CPNE8: variants seen among roughly 807,000 people sequenced by gnomAD.
CPNE8 encodes the protein copine 8.
In CPNE8, 45 loss-of-function variants were observed where a neutral mutation model predicts 81.5. The ratio of observed to expected loss-of-function variants is 0.55; its 90% confidence interval spans 0.44 to 0.71. The LOEUF (loss-of-function observed/expected upper bound fraction) is 0.71. CPNE8 is among the 30% of genes least tolerant of loss of function. The pLI is 0.00. For missense variants in CPNE8, 594 were observed against 672.1 expected (o/e 0.88, Z 1.28); for synonymous variants, 252 against 226.3 (o/e 1.11, Z -1.02).
chr12:38,734,832 T>A (rs1461262831), intron 10 of CPNE8, among the ~76,000 whole-genome samples: 1 of 152,086 alleles, frequency 6.6e-6, no homozygotes, highest in Non-Finnish European at 1.5e-5. Flanking sequence ...TTTAATCAAA[T>A]TAATTTGTAA....
At chr12:38,723,043 A>C (rs1179848943) in intron 13 of CPNE8, among the ~76,000 whole-genome samples, 1 of 152,204 alleles carries the variant, frequency 6.6e-6, no homozygotes, top group Non-Finnish European at 1.5e-5. Context: ...CTCCCCAGAC[A>C]TGAGGAACTG....
chr12:38,892,372 AC>A (rs1944325422), intron 1 of CPNE8, among the ~76,000 whole-genome samples: 1 of 152,194 alleles, frequency 6.6e-6, no homozygotes, highest in African/African-American at 2.4e-5. Flanking sequence ...ATGCAATTCA[AC>A]CTTTGTTTAC....
intron 15 of CPNE8, among the ~76,000 whole-genome samples, chr12:38,693,304 C>A (rs535524411): frequency 1.3e-5 from 2 of 152,038 alleles, no homozygotes; most frequent in African/African-American, 2.4e-5. Flanking sequence ...AGCAAAAATG[C>A]GCTGTCTCCC....
intron 6 of CPNE8, among the ~76,000 whole-genome samples, chr12:38,791,430 G>A (rs746337656): frequency 3.3e-5 from 5 of 151,260 alleles, no homozygotes; most frequent in African/African-American, 4.8e-5. Flanking sequence ...AATGGCTAAG[G>A]TAATTATTAA....
chr12:38,744,738 T>A (rs761415367), intron 10 of CPNE8, among the ~76,000 whole-genome samples: 1 of 139,870 alleles, frequency 7.1e-6, no homozygotes, highest in Non-Finnish European at 1.5e-5. Context: ...AGAACAACCA[T>A]AAGTTATGCA....
intron 10 of CPNE8, among the ~76,000 whole-genome samples, chr12:38,744,663 C>G (rs1379471807): frequency 6.6e-6 from 1 of 152,124 alleles, no homozygotes; most frequent in Non-Finnish European, 1.5e-5. Context: ...GCTCCACATT[C>G]TGAAGCTGTC....
At chr12:38,720,889 G>C (rs1050535089) in intron 13 of CPNE8, 1 of 152,474 alleles carries the variant, frequency 6.6e-6, no homozygotes, top group Non-Finnish European at 1.5e-5. Flanking sequence ...CTGCTCCATG[G>C]AGCAGGCAGG....
chr12:38,782,921 C>A (rs1257544557), intron 6 of CPNE8, among the ~76,000 whole-genome samples: 1 of 152,086 alleles, frequency 6.6e-6, no homozygotes, highest in Non-Finnish European at 1.5e-5. Flanking sequence ...CTCAAGCAAT[C>A]CTCCAGAATT....
At chr12:38,747,785 C>T (rs826862) in intron 10 of CPNE8, among the ~76,000 whole-genome samples, 14,823 of 151,916 alleles carry the variant, frequency 0.098, 935 homozygotes, top group East Asian at 0.25. Context: ...ATACTAATCA[C>T]GCTGAATACT....
At chr12:38,736,793 C>A (rs911213213) in intron 10 of CPNE8, among the ~76,000 whole-genome samples, 2 of 151,956 alleles carry the variant, frequency 1.3e-5, no homozygotes, top group Non-Finnish European at 2.9e-5. Context: ...CAGGAAATAA[C>A]TTTTACCTAG....
intron 3 of CPNE8, among the ~76,000 whole-genome samples, chr12:38,867,356 G>C (rs1592145679): frequency 1.3e-5 from 2 of 151,844 alleles, no homozygotes; most frequent in South Asian, 2.1e-4. Context: ...GAGAGAGAGA[G>C]AGAGAGAGAG....
At chr12:38,835,110 C>G (rs1943358787) in intron 5 of CPNE8, among the ~76,000 whole-genome samples, 1 of 152,118 alleles carries the variant, frequency 6.6e-6, no homozygotes. Context: ...TGGTCTCAAT[C>G]TCCTGACCTC....
intron 10 of CPNE8, among the ~76,000 whole-genome samples, chr12:38,745,150 C>T (rs1483674356): frequency 6.6e-6 from 1 of 152,206 alleles, no homozygotes; most frequent in African/African-American, 2.4e-5. Context: ...GTCTGCATTT[C>T]TCATGAATTC....
At chr12:38,681,188 TTGA>T (rs1939402097) in intron 16 of CPNE8, among the ~76,000 whole-genome samples, 1 of 152,000 alleles carries the variant, frequency 6.6e-6, no homozygotes, top group Admixed American at 6.6e-5. Flanking sequence ...CTTAAAATTA[TTGA>T]TGAAGAATTC....
rs1383473697 is a variant in CPNE8 at position 38,879,010 on chromosome 12, C to CAAAAA, written c.99-4500_99-4499insTTTTT. Among the ~76,000 whole-genome samples the CAAAAA allele has an allele frequency of 3.9e-5, 6 of 152,240 alleles. No homozygotes were observed. The East Asian group carries it at 7.7e-4, about 20-fold the overall frequency. ...CAACAACAACAACAAAAGCCAGGTA[C>CAAAAA]AGTAATTAGTTCTTATTCCAACTAT... On this transcript the variant is annotated intron_variant, in intron 1 of 19. Coordinates refer to ENST00000331366, the MANE Select transcript of CPNE8 (RefSeq NM_153634.3).
At chr12:38,902,537 T>G (rs1944506448) in intron 1 of CPNE8, among the ~76,000 whole-genome samples, 1 of 152,208 alleles carries the variant, frequency 6.6e-6, no homozygotes, top group Admixed American at 6.5e-5. Context: ...TCTGGTATAG[T>G]AAGGCAAGGG....
chr12:38,758,266 G>A (rs1941503277), intron 10 of CPNE8, among the ~76,000 whole-genome samples: 1 of 151,888 alleles, frequency 6.6e-6, no homozygotes, highest in South Asian at 2.1e-4. Context: ...TTCTTTCAGA[G>A]TCTGTAATAC....
intron 1 of CPNE8, among the ~76,000 whole-genome samples, chr12:38,880,548 G>A (rs17126736): frequency 0.011 from 1,731 of 152,280 alleles, 22 homozygotes; most frequent in South Asian, 0.039. Context: ...ACTGAGCCCC[G>A]TGTCACTGAA....
intron 16 of CPNE8, 47 bp from the exon 17 acceptor site, chr12:38,677,601 G>A (rs768890661): frequency 4.9e-6 from 5 of 1,017,264 alleles, no homozygotes; most frequent in Non-Finnish European, 7.7e-6. Flanking sequence ...TTTTCTATAT[G>A]TGATGGTTGG....
Sources: gnomAD v4.1 joint callset for allele counts (sites outside exome capture counted in the v4.1 genomes callset) on GRCh38, gnomAD v4.1.1 for gene constraint, MANE v1.5 for transcripts, NCBI Gene and HGNC (gene_info 2026-07-23, HGNC 2026-07-21) for gene names.